The following MEGF10 variants were observed in gnomAD, a reference collection of about 807,000 sequenced individuals.
MEGF10 encodes the protein multiple epidermal growth factor-like domains protein 10.
Under a neutral mutation model 147.5 loss-of-function variants are expected in MEGF10, and 86 were observed. The observed-to-expected ratio is 0.58, with a 90% CI of 0.49 to 0.70. The LOEUF (loss-of-function observed/expected upper bound fraction) is 0.70. Ranked by LOEUF, MEGF10 falls within the 30% of genes least tolerant of loss-of-function variation. The pLI is 0.00. For synonymous variants in MEGF10, 478 were observed against 525.5 expected, an observed-to-expected ratio of 0.91 and a Z score of 1.24; for missense variants, 1,329 against 1,487.3, an observed-to-expected ratio of 0.89 and a Z score of 1.75.
intron 5 of MEGF10, among the ~76,000 whole-genome samples, chr5:127,389,601 T>A (rs1315689573): frequency 6.6e-6 from 1 of 152,124 alleles, no homozygotes; most frequent in East Asian, 1.9e-4. Context: ...TATAAGAGAA[T>A]GAGATCATGT....
intron 1 of MEGF10, among the ~76,000 whole-genome samples, chr5:127,312,231 A>G (rs1760320291): frequency 6.6e-6 from 1 of 152,162 alleles, no homozygotes; most frequent in African/African-American, 2.4e-5. Context: ...CTTAACTGGC[A>G]CCAGGAAAAA....
At position 127,399,059 on chromosome 5, in the gene MEGF10, A is replaced by T. The variant is rs571402893; in HGVS notation, c.780+263A>T. Among the ~76,000 whole-genome samples the T allele has an allele frequency of 5.3e-5, 8 of 152,334 alleles. No individual in the cohort carries two copies. The South Asian group carries it at 1.7e-3, about 32-fold the overall frequency. On this transcript the variant is annotated intron_variant, in intron 7 of 24. Coordinates refer to ENST00000503335, the MANE Select transcript of MEGF10 (RefSeq NM_001256545.2). ...TGGCCATCTGTCCTGCATTTCCCTT[A>T]AGGATAAAAAAAAGAGAGACAAATA... is the stretch of plus-strand genomic sequence containing the variant.
chr5:127,250,919 A>T, the MEGF10 span, among the ~76,000 whole-genome samples: 1 of 152,018 alleles, frequency 6.6e-6, no homozygotes, highest in African/African-American at 2.4e-5. Context: ...ATAATAATAA[A>T]AAACCCTAAC....
chr5:127,283,851 A>G, the MEGF10 span, among the ~76,000 whole-genome samples: 15 of 152,368 alleles, frequency 9.8e-5, no homozygotes, highest in Non-Finnish European at 1.5e-4. Flanking sequence ...GAATTTGTTC[A>G]TAATGAAAAA....
At chr5:127,447,981 C>T (rs1376301771) in intron 21 of MEGF10, among the ~76,000 whole-genome samples, 5 of 152,046 alleles carry the variant, frequency 3.3e-5, no homozygotes, top group South Asian at 2.1e-4. Flanking sequence ...TCCATTACAC[C>T]GCTTTAGAAA....
At chr5:127,234,508 A>G in the MEGF10 span, among the ~76,000 whole-genome samples, 2 of 152,212 alleles carry the variant, frequency 1.3e-5, no homozygotes, top group African/African-American at 4.8e-5. Context: ...CTCCTGGGAG[A>G]GCAAACCAAA....
chr5:127,354,003 TG>T (rs1762186680), intron 4 of MEGF10, among the ~76,000 whole-genome samples: 1 of 152,194 alleles, frequency 6.6e-6, no homozygotes, highest in Non-Finnish European at 1.5e-5. Context: ...CACTGAACTG[TG>T]TATGATTTCC....
At chr5:127,285,919 A>C (rs1038305176), upstream of MEGF10, among the ~76,000 whole-genome samples, 3 of 152,150 alleles carry the variant, frequency 2.0e-5, no homozygotes, top group Non-Finnish European at 4.4e-5. Context: ...GTAAGCATGC[A>C]TCAATTGATG....
chr5:127,419,779 C>A (rs901532354), intron 11 of MEGF10, among the ~76,000 whole-genome samples: 4 of 152,152 alleles, frequency 2.6e-5, no homozygotes, highest in Non-Finnish European at 5.9e-5. Flanking sequence ...TGCTTTGACT[C>A]TATATCTCTT....
At chr5:127,406,814 G>A (rs1188346529) in intron 8 of MEGF10, among the ~76,000 whole-genome samples, 2 of 152,134 alleles carry the variant, frequency 1.3e-5, no homozygotes, top group Non-Finnish European at 2.9e-5. Flanking sequence ...AAGAGACAAT[G>A]GTTTCCAGAT....
chr5:127,435,471 G>A lies in MEGF10; in HGVS notation c.2086G>A (p.Gly696Ser), dbSNP rs1430493404. The A allele has an allele frequency of 6.2e-7, 1 of 1,613,788 alleles. No individual in the cohort carries two copies. Among genetic ancestry groups the A allele is most frequent in the African/African-American group, 1.3e-5 (1 of 75,016 alleles). Residue 696 changes from glycine (G) to serine (S), a missense_variant, in exon 16 of 25, where the codon GGC becomes AGC. This residue lies in a region of MEGF10 where 980 missense variants were observed against 1,085.9 expected (regional missense o/e 0.90). Transcript: ENST00000503335. ...TTGTCAGTGTTACCCCGGTTGGATT[G>A]GCAGTGACTGCTCTCAACGTAAGTC... is the stretch of plus-strand genomic sequence containing the variant. ...RSCQCYPGWIGSDCSQPCPPA... is the reference protein window; with the variant it reads ...RSCQCYPGWISSDCSQPCPPA...
chr5:127,237,583 T>C, the MEGF10 span, among the ~76,000 whole-genome samples: 1 of 152,112 alleles, frequency 6.6e-6, no homozygotes. Flanking sequence ...ACATGCTATG[T>C]GTGTTTTGTT....
intron 2 of MEGF10, among the ~76,000 whole-genome samples, chr5:127,333,175 A>ATGAGATG (rs1291753601): frequency 1.3e-5 from 2 of 152,126 alleles, no homozygotes; most frequent in Non-Finnish European, 2.9e-5. Flanking sequence ...ATCCAGCATG[A>ATGAGATG]TGAGATGTGA....
intron 4 of MEGF10, among the ~76,000 whole-genome samples, chr5:127,341,947 C>T (rs957507485): frequency 6.6e-6 from 1 of 152,082 alleles, no homozygotes; most frequent in Non-Finnish European, 1.5e-5. Context: ...AAATTCCTAG[C>T]AGTAGAATTG....
At chr5:127,310,038 CTTTCTTTATTT>C (rs1760218123) in intron 1 of MEGF10, among the ~76,000 whole-genome samples, 1 of 44,452 alleles carries the variant, frequency 2.2e-5, no homozygotes, top group African/African-American at 6.9e-5. Context: ...TTCTTTCCTT[CTTTCTTTATTT>C]CTTTCTTTCT....
intron 8 of MEGF10, among the ~76,000 whole-genome samples, chr5:127,404,395 C>T (rs564311566): frequency 1.3e-5 from 2 of 152,030 alleles, no homozygotes; most frequent in African/African-American, 4.8e-5. Context: ...CGGTTTTTAC[C>T]ATTGAAAGTA....
At chr5:127,247,365 GAAGAAGAAGAAGAA>G in the MEGF10 span, among the ~76,000 whole-genome samples, 1 of 4,008 alleles carries the variant, frequency 2.5e-4, no homozygotes, top group Non-Finnish European at 4.9e-4. Context: ...AGAAGAAGAA[GAAGAAGAAGAAGAA>G]GAAGAAGAAG....
rs1411429194 is a variant in MEGF10 at position 127,331,303 on chromosome 5, A to C, written c.-6A>C. On this transcript the variant is annotated 5_prime_UTR_variant, in exon 2 of 25. Coordinates refer to ENST00000503335, the MANE Select transcript of MEGF10 (RefSeq NM_001256545.2). ...TTCTTTCTTGTAGGTTGTTCTTCAG[A>C]AAAAAATGGTTATTTCTTTGAACTC... 1.9e-6 allele frequency: 3 copies of C among 1,577,106 alleles called. No individual in the cohort carries two copies. Among genetic ancestry groups the C allele is most frequent in the Non-Finnish European group, 2.6e-6 (3 of 1,149,546 alleles).
intron 5 of MEGF10, among the ~76,000 whole-genome samples, chr5:127,389,496 A>G (rs1010082748): frequency 1.3e-5 from 2 of 152,268 alleles, no homozygotes; most frequent in Admixed American, 6.5e-5. Context: ...CCCTGTTCAC[A>G]ATAGCAAAGA....
Sources: gnomAD v4.1 joint callset for allele counts (sites outside exome capture counted in the v4.1 genomes callset) on GRCh38, gnomAD v4.1.1 for gene constraint, gnomAD v4.1.1 regional missense constraint, MANE v1.5 for transcripts, NCBI Gene and HGNC (gene_info 2026-07-23, HGNC 2026-07-21) for gene names.